SENP1: variants seen among roughly 807,000 people sequenced by gnomAD.
SENP1 encodes SUMO specific peptidase 1, also known as sentrin-specific protease 1.
In SENP1, 21 loss-of-function variants were observed where a neutral mutation model predicts 93.0. That is an observed-to-expected ratio of 0.23 (90% CI 0.16 to 0.33). The LOEUF is 0.33. Among genes scored for constraint, SENP1 ranks in the 10% least tolerant of loss-of-function variants. The pLI is 1.00. For missense variants in SENP1, 591 were observed against 758.7 expected (o/e 0.78, Z 2.60); for synonymous variants, 256 against 259.6 (o/e 0.99, Z 0.13).
rs1396654701 is a variant in SENP1, at chr12:48,065,196, C to T, written c.1144G>A (p.Val382Ile). Residue 382 changes from valine to isoleucine, a missense_variant, in exon 12 of 18, where the codon GTA (valine) becomes ATA (isoleucine). Val to Ile is a conservative substitution (Grantham distance 29). This residue lies in a region of SENP1 where 238 missense variants were observed against 259.1 expected (regional missense o/e 0.92). Transcript: ENST00000549518. Reference sequence around the variant, plus strand: ...AGATGTAGTTCTACTGAATCATGTACTGAATGTTCCCGCTCCTGCAATCTC... The same window carrying T: ...AGATGTAGTTCTACTGAATCATGTATTGAATGTTCCCGCTCCTGCAATCTC... ...NQRLQEREHS[V>I]HDSVELHLRV... The T allele has an allele frequency of 1.2e-6, 2 of 1,606,442 alleles. No homozygotes were observed. The highest frequency in any genetic ancestry group is 1.7e-6 in the Non-Finnish European group (2 of 1,175,556).
At chr12:48,053,165 T>C (rs1218742027) in intron 13 of SENP1, among the ~76,000 whole-genome samples, 2 of 152,096 alleles carry the variant, frequency 1.3e-5, no homozygotes, top group African/African-American at 2.4e-5. Flanking sequence ...ATCAAAAATA[T>C]ATATTCTGAA....
chr12:48,096,414 C>A lies in SENP1; in HGVS notation c.149G>T (p.Arg50Met), dbSNP rs1945561268. 6.2e-7 allele frequency: 1 copy of A among 1,607,776 alleles called. No individual in the cohort carries two copies. The highest frequency in any genetic ancestry group is 1.1e-5 in the South Asian group (1 of 90,368). ...SLSDQQILSS[R>M]QGHLDRSFTC... ...AAAAGATCGGTCCAAATGTCCTTGC[C>A]TGGAAGATAAAATCTAAACAAAGCA... Residue 50 changes from arginine (R) to methionine (M), a missense_variant, in exon 4 of 18, where the codon AGG becomes ATG. By Grantham distance (91) the Arg-to-Met change is moderately conservative. Around this residue, in one of 4 missense-constraint regions of SENP1, gnomAD observed 214 missense variants for 243.4 expected, o/e 0.88. Transcript: ENST00000549518.
intron 17 of SENP1, among the ~76,000 whole-genome samples, chr12:48,045,844 A>G (rs1941323403): frequency 6.6e-6 from 1 of 152,252 alleles, no homozygotes; most frequent in African/African-American, 2.4e-5. Context: ...AGAACACATC[A>G]GAATAAACCA....
intron 9 of SENP1, among the ~76,000 whole-genome samples, chr12:48,070,916 A>C (rs1022962645): frequency 5.3e-5 from 8 of 152,086 alleles, no homozygotes; most frequent in African/African-American, 1.9e-4. Flanking sequence ...ACATAGCAAG[A>C]TCCCGTCTCT....
intron 4 of SENP1, among the ~76,000 whole-genome samples, chr12:48,090,932 C>T (rs1394333974): frequency 6.6e-6 from 1 of 152,116 alleles, no homozygotes; most frequent in Non-Finnish European, 1.5e-5. Context: ...ACATGATAGT[C>T]TGTCACCACT....
chr12:48,096,518 C>T (rs1945571740), intron 3 of SENP1, 91 bp from the exon 4 acceptor site: 1 of 738,946 alleles, frequency 1.4e-6, no homozygotes, highest in Non-Finnish European at 2.3e-6. Flanking sequence ...TACACCGGCA[C>T]AATCTCTGCT....
At chr12:48,051,998 C>G (rs2136794507) in intron 13 of SENP1, among the ~76,000 whole-genome samples, 1 of 152,320 alleles carries the variant, frequency 6.6e-6, no homozygotes, top group African/African-American at 2.4e-5. Flanking sequence ...AAGGAGCTAC[C>G]CTTCCTGCTG....
At chr12:48,091,437 G>A (rs913381013) in intron 4 of SENP1, among the ~76,000 whole-genome samples, 12 of 150,070 alleles carry the variant, frequency 8.0e-5, no homozygotes, top group South Asian at 2.1e-4. Flanking sequence ...GCGACAGAGC[G>A]AGATTCTGTC....
intron 9 of SENP1, among the ~76,000 whole-genome samples, chr12:48,068,524 C>T (rs1348214302): frequency 6.6e-6 from 1 of 152,042 alleles, no homozygotes; most frequent in Non-Finnish European, 1.5e-5. Context: ...TCTTGAAAGG[C>T]TAGGATTAGA....
intron 4 of SENP1, among the ~76,000 whole-genome samples, chr12:48,095,365 G>A (rs372080087): frequency 4.0e-5 from 6 of 151,820 alleles, no homozygotes; most frequent in Middle Eastern, 3.4e-3. Flanking sequence ...GTGAAACCCC[G>A]TCTCTACTAA....
At chr12:48,097,017 T>A (rs1265916568) in intron 3 of SENP1, among the ~76,000 whole-genome samples, 1 of 151,996 alleles carries the variant, frequency 6.6e-6, no homozygotes, top group Non-Finnish European at 1.5e-5. Flanking sequence ...GTATTAATAC[T>A]ACATACTAAC....
intron 13 of SENP1, among the ~76,000 whole-genome samples, chr12:48,057,464 A>G (rs148527519): frequency 0.021 from 3,194 of 148,766 alleles, 69 homozygotes; most frequent in East Asian, 0.096. Flanking sequence ...TCCTGACCTC[A>G]GGTGATCCAC....
intron 10 of SENP1, among the ~76,000 whole-genome samples, chr12:48,066,180 G>C (rs370605603): frequency 6.6e-6 from 1 of 152,102 alleles, no homozygotes; most frequent in African/African-American, 2.4e-5. Context: ...ACGAATACAA[G>C]ATATCACTGA....
At chr12:48,090,968 G>A (rs372721486) in intron 4 of SENP1, among the ~76,000 whole-genome samples, 52 of 151,950 alleles carry the variant, frequency 3.4e-4, no homozygotes, top group African/African-American at 1.2e-3. Flanking sequence ...TCAGAGTTAC[G>A]AACACCACAA....
Position 48,083,620 on chromosome 12 carries a change from G to C in SENP1, c.523C>G (p.Gln175Glu). ...RRSLLSPKKT[Q>E]RRHVSTAEET... Reference sequence around the variant, plus strand: ...TCTGCTGTACTAACATGTCGCCTCTGAGTTTTCTTGGGGCTCAAAAGACTT... The same window carrying C: ...TCTGCTGTACTAACATGTCGCCTCTCAGTTTTCTTGGGGCTCAAAAGACTT... Residue 175 changes from glutamine to glutamate, a missense_variant, in exon 6 of 18, where the codon CAG becomes GAG. Around this residue, in one of 4 missense-constraint regions of SENP1, gnomAD observed 214 missense variants for 243.4 expected, o/e 0.88. Transcript: ENST00000549518. 1.2e-6 allele frequency: 2 copies of C among 1,613,772 alleles called. No individual in the cohort carries two copies. The highest frequency in any genetic ancestry group is 1.7e-6 in the Non-Finnish European group (2 of 1,179,794).
chr12:48,105,572 G>C, intron 1 of SENP1: 1 of 489,476 alleles, frequency 2.0e-6, no homozygotes, highest in Non-Finnish European at 4.1e-6. Context: ...CGCAGAAGTA[G>C]TCAAGAAATA....
intron 8 of SENP1, 139 bp downstream of exon 8, chr12:48,074,185 G>A (rs1461566141): frequency 6.9e-6 from 5 of 728,880 alleles, no homozygotes; most frequent in Non-Finnish European, 1.1e-5. Flanking sequence ...TTCAGATTTT[G>A]GAACATTTCG....
intron 5 of SENP1, chr12:48,084,981 C>T (rs1321598711): frequency 2.9e-6 from 2 of 678,708 alleles, no homozygotes; most frequent in Non-Finnish European, 5.0e-6. Context: ...TTTAAGTCTT[C>T]TTGGGTTTGT....
At chr12:48,105,303 G>A (rs1946420713) in intron 1 of SENP1, 2 of 504,274 alleles carry the variant, frequency 4.0e-6, no homozygotes, top group South Asian at 1.4e-5. Context: ...CACAGGCACC[G>A]ATAAACAGAA....
Sources: gnomAD v4.1 joint callset for allele counts (sites outside exome capture counted in the v4.1 genomes callset) on GRCh38, gnomAD v4.1.1 for gene constraint, gnomAD v4.1.1 regional missense constraint, MANE v1.5 for transcripts, NCBI Gene and HGNC (gene_info 2026-07-23, HGNC 2026-07-21) for gene names.